SHTN1: variants seen among roughly 807,000 people sequenced by gnomAD.
The protein encoded by SHTN1 is shootin-1.
A neutral mutation model predicts 83.1 loss-of-function variants in SHTN1; 42 were observed. The observed-to-expected ratio is 0.51, with a 90% confidence interval of 0.39 to 0.65. SHTN1 has a LOEUF of 0.65. Ranked by LOEUF, SHTN1 falls within the 30% of genes least tolerant of loss-of-function variation. SHTN1 has a pLI of 0.00. For missense variants in SHTN1, 622 were observed against 737.8 expected (o/e 0.84, Z 1.82); for synonymous variants, 224 against 247.7 (o/e 0.90, Z 0.90).
At chr10:117,016,883 G>A (rs1007491701) in intron 2 of SHTN1, among the ~76,000 whole-genome samples, 10 of 152,094 alleles carry the variant, frequency 6.6e-5, no homozygotes, top group South Asian at 4.1e-4. Context: ...ATATGCATGG[G>A]TTAATGTACA....
At chr10:116,933,225 T>C (rs148207412) in intron 9 of SHTN1, among the ~76,000 whole-genome samples, 3,419 of 152,188 alleles carry the variant, frequency 0.022, 124 homozygotes, top group African/African-American at 0.077. Context: ...ATGTGCAGGT[T>C]TGTTACATAG....
intron 1 of SHTN1, among the ~76,000 whole-genome samples, chr10:117,071,333 C>T (rs1021712389): frequency 2.5e-3 from 50 of 19,706 alleles, no homozygotes; most frequent in African/African-American, 3.4e-3. Flanking sequence ...GCAGGAAATA[C>T]TCTCTGTTTT....
intron 3 of SHTN1, among the ~76,000 whole-genome samples, chr10:116,962,135 C>A (rs1850208740): frequency 6.9e-6 from 1 of 144,626 alleles, no homozygotes. Flanking sequence ...CGCAATAGGT[C>A]CTAAAATGCA....
intron 1 of SHTN1, among the ~76,000 whole-genome samples, chr10:117,062,010 G>A (rs1376213680): frequency 2.6e-5 from 4 of 152,102 alleles, no homozygotes; most frequent in Non-Finnish European, 5.9e-5. Context: ...CTTTTGCATT[G>A]CTATTAACCT....
chr10:116,935,477 G>A (rs1849124813), intron 9 of SHTN1, among the ~76,000 whole-genome samples: 1 of 152,180 alleles, frequency 6.6e-6, no homozygotes, highest in Non-Finnish European at 1.5e-5. Flanking sequence ...TTATTGATTT[G>A]TGTATGTTGA....
chr10:116,975,583 T>A (rs1850773070), intron 2 of SHTN1, among the ~76,000 whole-genome samples: 1 of 151,662 alleles, frequency 6.6e-6, no homozygotes, highest in Non-Finnish European at 1.5e-5. Context: ...AATAAAAAGG[T>A]TTCCCTTCAA....
chr10:117,114,536 C>T (rs918820016), intron 1 of SHTN1, among the ~76,000 whole-genome samples: 1 of 152,114 alleles, frequency 6.6e-6, no homozygotes, highest in African/African-American at 2.4e-5. Context: ...TTTTGTCCTG[C>T]CTTTCTCCCT....
chr10:116,934,476 G>A (rs1849082572), intron 9 of SHTN1, among the ~76,000 whole-genome samples: 1 of 152,162 alleles, frequency 6.6e-6, no homozygotes, highest in Non-Finnish European at 1.5e-5. Context: ...TCAGATGGTT[G>A]TAGATGTGTG....
At position 116,886,291 on chromosome 10, in the gene SHTN1, T is replaced by C. The variant is rs1303053239; in HGVS notation, c.*53A>G. On this transcript the variant is annotated 3_prime_UTR_variant, in exon 17 of 17. Transcript: ENST00000355371. Reference sequence around the variant, plus strand: ...GCCCTTGCCAATATAACAACACTAATCATGTGCTTATTGAAAAGGACTTCC... The same window carrying C: ...GCCCTTGCCAATATAACAACACTAACCATGTGCTTATTGAAAAGGACTTCC... The C allele has an allele frequency of 1.3e-6, 2 of 1,550,710 alleles. No homozygotes were observed. The highest frequency in any genetic ancestry group is 1.7e-6 in the Non-Finnish European group (2 of 1,146,320).
chr10:117,057,424 G>A (rs1015013876), intron 1 of SHTN1, among the ~76,000 whole-genome samples: 2 of 152,128 alleles, frequency 1.3e-5, no homozygotes, highest in African/African-American at 4.8e-5. Flanking sequence ...TGTAATCACG[G>A]ATTGCTGCTT....
At chr10:117,112,337 A>C (rs572249982) in intron 1 of SHTN1, among the ~76,000 whole-genome samples, 5 of 152,230 alleles carry the variant, frequency 3.3e-5, no homozygotes, top group African/African-American at 1.2e-4. Context: ...ACAGCCAACA[A>C]ATCACCCTAG....
At chr10:117,099,239 G>A (rs1315100480) in intron 1 of SHTN1, among the ~76,000 whole-genome samples, 1 of 152,008 alleles carries the variant, frequency 6.6e-6, no homozygotes, top group Non-Finnish European at 1.5e-5. Flanking sequence ...GGGTGGGGAG[G>A]TAAGGAGGGG....
chr10:116,972,743 T>C (rs998923147), intron 2 of SHTN1, among the ~76,000 whole-genome samples: 5 of 152,228 alleles, frequency 3.3e-5, no homozygotes, highest in Non-Finnish European at 7.3e-5. Flanking sequence ...TTAATTATGA[T>C]GCCCAACGAT....
At chr10:116,939,945 A>C (rs188040874) in intron 9 of SHTN1, among the ~76,000 whole-genome samples, 49 of 152,282 alleles carry the variant, frequency 3.2e-4, no homozygotes, top group African/African-American at 9.4e-4. Context: ...GAATAGCTCC[A>C]CTCATCAAAT....
intron 1 of SHTN1, among the ~76,000 whole-genome samples, chr10:117,054,947 C>A (rs1216588590): frequency 1.3e-5 from 2 of 152,144 alleles, no homozygotes; most frequent in Non-Finnish European, 2.9e-5. Flanking sequence ...TGTTTTCACA[C>A]TGCTATAAAG....
At chr10:116,936,249 A>C (rs1462995245) in intron 9 of SHTN1, among the ~76,000 whole-genome samples, 2 of 151,800 alleles carry the variant, frequency 1.3e-5, no homozygotes, top group Non-Finnish European at 2.9e-5. Context: ...TAATTCTTTT[A>C]ATTGTGATGT....
At chr10:117,084,105 G>A (rs1853312645) in intron 1 of SHTN1, among the ~76,000 whole-genome samples, 1 of 152,192 alleles carries the variant, frequency 6.6e-6, no homozygotes, top group Non-Finnish European at 1.5e-5. Flanking sequence ...CGTTCCTTTG[G>A]AGGAGGAGAG....
At chr10:117,044,876 G>C (rs1478833142) in intron 2 of SHTN1, among the ~76,000 whole-genome samples, 1 of 152,106 alleles carries the variant, frequency 6.6e-6, no homozygotes, top group Non-Finnish European at 1.5e-5. Context: ...GTGCTAAAAA[G>C]AAAGGATGTT....
intron 7 of SHTN1, among the ~76,000 whole-genome samples, chr10:116,948,621 G>T (rs765916511): frequency 3.9e-5 from 6 of 152,090 alleles, no homozygotes; most frequent in Non-Finnish European, 8.8e-5. Context: ...GCTGAGGGGA[G>T]AGCTAAAAAG....
Sources: allele counts gnomAD v4.1 joint callset (sites outside exome capture counted in the v4.1 genomes callset), GRCh38; gene constraint gnomAD v4.1.1; transcripts MANE v1.5; gene names NCBI Gene and HGNC (gene_info 2026-07-23, HGNC 2026-07-21).